Variants in NOB1 observed in about 807,000 individuals in gnomAD.
The protein encoded by NOB1 is RNA-binding protein NOB1.
In NOB1, 44 loss-of-function variants were observed where a neutral mutation model predicts 44.8. The observed-to-expected ratio is 0.98, with a 90% CI of 0.77 to 1.26. The LOEUF is 1.26. Among genes scored for constraint, NOB1 ranks in the 50% most tolerant of loss-of-function variants. The pLI, the probability that NOB1 is intolerant of heterozygous loss-of-function variation, is 0.00. For missense variants in NOB1, 560 were observed against 544.8 expected, an observed-to-expected ratio of 1.03 and a Z score of -0.28; for synonymous variants, 238 against 218.7, an observed-to-expected ratio of 1.09 and a Z score of -0.78.
rs35257586 is a variant in NOB1, at chr16:69,747,222, CAA to C, written c.824+1008_824+1009del. The stretch of plus-strand genomic sequence containing the variant: ...GGCAACAAGAGAGAAACCCTGTCTC[CAA>C]AAAAAAAAAAAAAAAAAAAGATAAA... On this transcript the variant is annotated intron_variant, in intron 7 of 8. Coordinates refer to ENST00000268802, the MANE Select transcript of NOB1 (RefSeq NM_014062.3). Among the ~76,000 whole-genome samples, 21 of 78,598 alleles carry C rather than the reference CAA, an allele frequency of 2.7e-4. 2 individuals are homozygous for C. Among genetic ancestry groups the C allele is most frequent in the Admixed American group, 2.5e-3 (15 of 6,038 alleles). The allele number at this position is 78,598 out of a possible 152,430, so 51.6% of individuals were successfully genotyped here.
chr16:69,748,632 G>T, intron 6 of NOB1: 1 of 528,064 alleles, frequency 1.9e-6, no homozygotes, highest in Admixed American at 3.6e-5. Flanking sequence ...CTCTCTCCCT[G>T]TGTTAAGAAC....
In NOB1 at chr16:69,753,888, C is replaced by T. The variant is rs1433004619; in HGVS notation, c.196+706G>A. On this transcript the variant is annotated intron_variant, in intron 2 of 8. Coordinates refer to ENST00000268802, the MANE Select transcript of NOB1 (RefSeq NM_014062.3). ...GTGGTACGATCTCGGCTCACTGCAA[C>T]CTCCACCTCCAGGTTCAAGCAATTC... Among the ~76,000 whole-genome samples, 3 of 152,196 alleles carry T rather than the reference C, an allele frequency of 2.0e-5. No homozygotes were observed. The East Asian group carries it at 5.8e-4, about 29-fold the overall frequency.
intron 8 of NOB1, among the ~76,000 whole-genome samples, chr16:69,743,378 G>C (rs1172536462): frequency 6.6e-6 from 1 of 152,162 alleles, no homozygotes; most frequent in Non-Finnish European, 1.5e-5. Flanking sequence ...TATATACAAA[G>C]TCTCAGTCTC....
chr16:69,744,291 G>T (rs1172494936), intron 8 of NOB1, among the ~76,000 whole-genome samples: 1 of 152,198 alleles, frequency 6.6e-6, no homozygotes, highest in Non-Finnish European at 1.5e-5. Context: ...CTGCATTCCA[G>T]CCTGGGTGAC....
At chr16:69,750,357 T>C (rs921300399) in intron 3 of NOB1, among the ~76,000 whole-genome samples, 1 of 151,960 alleles carries the variant, frequency 6.6e-6, no homozygotes, top group African/African-American at 2.4e-5. Flanking sequence ...AATAGCTGGG[T>C]GCAGTGGCTC....
At chr16:69,742,674 G>T in intron 8 of NOB1, 73 bp from the exon 9 acceptor site, 1 of 1,487,574 alleles carries the variant, frequency 6.7e-7, no homozygotes, top group Non-Finnish European at 9.3e-7. Context: ...CTGGTAAGGT[G>T]CAGCCGACCT....
intron 3 of NOB1, among the ~76,000 whole-genome samples, chr16:69,751,415 A>C (rs2038481715): frequency 6.6e-6 from 1 of 151,994 alleles, no homozygotes; most frequent in Non-Finnish European, 1.5e-5. Flanking sequence ...AGATCAAAAG[A>C]GACTAATCAG....
rs1283799001 is a variant in NOB1 at position 69,742,476 on chromosome 16, G to T, written c.1095C>A (p.Asp365Glu). The change falls in exon 9 of 9, where the codon GAC (aspartate) becomes GAA (glutamate). Residue 365 changes from aspartate (D) to glutamate (E), a missense_variant. Coordinates refer to ENST00000268802, the MANE Select transcript of NOB1 (RefSeq NM_014062.3). ...CAAAGGGTGACACCCCGGCGATGTA[G>T]TCAGGGGCGAACACGTTGGTTTTCT... is the stretch of plus-strand genomic sequence containing the variant. ...ARQKTNVFAPDYIAGVSPFVE... is the reference protein window; with the variant it reads ...ARQKTNVFAPEYIAGVSPFVE... The T allele has an allele frequency of 6.2e-6, 10 of 1,614,158 alleles. No homozygotes were observed. Among genetic ancestry groups the T allele is most frequent in the Admixed American group, 5.0e-5 (3 of 60,008 alleles).
Position 69,753,011 on chromosome 16 carries a change from C to T in NOB1, c.197-640G>A, listed in dbSNP as rs2038495994. Among the ~76,000 whole-genome samples, 3 of 152,100 alleles carry T rather than the reference C, an allele frequency of 2.0e-5. No individual in the cohort carries two copies. In the South Asian group the frequency reaches 6.2e-4, roughly 32 times the overall value. On this transcript the variant is annotated intron_variant, in intron 2 of 8. Transcript: ENST00000268802. ...CTGAGGTGGGTAGATCACTTGAGGT[C>T]AGGAGTTCCAGACCAGCCTGGCCAA... is the stretch of plus-strand genomic sequence containing the variant.
intron 8 of NOB1, among the ~76,000 whole-genome samples, chr16:69,743,590 C>T (rs1432230417): frequency 6.6e-6 from 1 of 152,116 alleles, no homozygotes; most frequent in African/African-American, 2.4e-5. Flanking sequence ...AATCCAATCC[C>T]GAGGAAATAC....
Position 69,754,884 on chromosome 16 carries a change from C to T in NOB1, c.27G>A (p.Ala9=), listed in dbSNP as rs752885511. ...CATGCCGCAGGAAAGCCCCAGCATCCGCCACAACGTGCTCCACTGGAGCCA... is the reference window on the plus strand; with the variant it reads ...CATGCCGCAGGAAAGCCCCAGCATCTGCCACAACGTGCTCCACTGGAGCCA... The part of the protein sequence containing the change: MAPVEHVV[A]DAGAFLRHAA... Residue 9 remains alanine, a synonymous_variant, in exon 1 of 9, where the codon GCG becomes GCA. Transcript: ENST00000268802. 11 of 1,596,348 alleles carry T rather than the reference C, an allele frequency of 6.9e-6. No homozygotes were observed. The highest frequency in any genetic ancestry group is 5.4e-5 in the African/African-American group (4 of 74,726).
At position 69,748,923 on chromosome 16, in the gene NOB1, T is replaced by A; in HGVS notation, c.721A>T (p.Met241Leu). ...CCCAGGCCCACCCTACCCACCTGCA[T>A]GGCGAAGTCTGTGGTCAGGCAGCCA... ...RVGCLTTDFAMQNVLLQMGLH... is the reference protein window; with the variant it reads ...RVGCLTTDFALQNVLLQMGLH... Residue 241 changes from methionine (M) to leucine (L), a missense_variant, in exon 6 of 9, where the codon ATG becomes TTG. Transcript: ENST00000268802. The A allele has an allele frequency of 6.2e-7, 1 of 1,603,960 alleles. No homozygotes were observed. Among genetic ancestry groups the A allele is most frequent in the Non-Finnish European group, 8.5e-7 (1 of 1,174,302 alleles).
intron 3 of NOB1, among the ~76,000 whole-genome samples, chr16:69,750,479 T>C (rs2038473675): frequency 6.6e-6 from 1 of 151,702 alleles, no homozygotes; most frequent in Admixed American, 6.6e-5. Context: ...ATTTTAAAAT[T>C]AGCCAGGCAT....
intron 7 of NOB1, among the ~76,000 whole-genome samples, chr16:69,747,918 G>C (rs992978803): frequency 1.3e-5 from 2 of 152,280 alleles, no homozygotes; most frequent in South Asian, 2.1e-4. Flanking sequence ...AGCTCTTTGG[G>C]AGGCTGAGGT....
intron 7 of NOB1, among the ~76,000 whole-genome samples, chr16:69,746,794 C>T (rs2038435118): frequency 6.6e-6 from 1 of 152,062 alleles, no homozygotes. Context: ...GTAGTCCCAG[C>T]TACTCAGGAG....
rs548802495 is a variant in NOB1 at position 69,749,116 on chromosome 16, A to G, written c.528T>C (p.Ile176=). 6.2e-7 allele frequency: 1 copy of G among 1,614,190 alleles called. No individual in the cohort carries two copies. The highest frequency in any genetic ancestry group is 8.5e-7 in the Non-Finnish European group (1 of 1,180,040). ...CACTTGGAACGTCCTCACCTCTGTC[A>G]ATCTGAAACATCAACAGACCTTTCA... ...NIDHELQELL[I]DRGEDVPSEE... The change falls in exon 6 of 9, where the codon ATT becomes ATC. Residue 176 remains isoleucine (I), a splice_region_variant and synonymous_variant. Coordinates refer to ENST00000268802, the MANE Select transcript of NOB1 (RefSeq NM_014062.3).
In NOB1 at chr16:69,754,731, G is replaced by A. The variant is rs986108911; in HGVS notation, c.64-5C>T. 5.0e-6 allele frequency: 8 copies of A among 1,614,074 alleles called. No individual in the cohort carries two copies. Among genetic ancestry groups the A allele is most frequent in the Non-Finnish European group, 6.8e-6 (8 of 1,180,034 alleles). On this transcript the variant is annotated splice_region_variant and splice_polypyrimidine_tract_variant and intron_variant, in intron 1 of 8. Coordinates refer to ENST00000268802, the MANE Select transcript of NOB1 (RefSeq NM_014062.3). ...GTAAATGTTCTTCCCGATGTCCTGC[G>A]GACAGAACGCCCCAGCTCAGACCCA...
chr16:69,742,711 A>C, intron 8 of NOB1, 110 bp from the exon 9 acceptor site: 6 of 1,144,836 alleles, frequency 5.2e-6, no homozygotes, highest in Non-Finnish European at 7.6e-6. Context: ...GGCAGATGAC[A>C]GCGGGTGGTA....
At position 69,749,084 on chromosome 16, in the gene NOB1, T is replaced by C. The variant is rs141066738; in HGVS notation, c.560A>G (p.Glu187Gly). ...TTCAAACCCGTTTTCTTCCTCCTCC[T>C]CCTCCTCACTTGGAACGTCCTCACC... ...DRGEDVPSEE[E>G]EEEENGFEDR... The change falls in exon 6 of 9, where the codon GAG (glutamate) becomes GGG (glycine). Residue 187 changes from glutamate (E) to glycine (G), a missense_variant. Glu to Gly is a moderately conservative substitution (Grantham distance 98). Coordinates refer to ENST00000268802, the MANE Select transcript of NOB1 (RefSeq NM_014062.3). The C allele has an allele frequency of 5.0e-5, 80 of 1,614,172 alleles. No homozygotes were observed. The highest frequency in any genetic ancestry group is 6.6e-5 in the Non-Finnish European group (78 of 1,180,032).
Sources: gnomAD v4.1 joint callset for allele counts (sites outside exome capture counted in the v4.1 genomes callset) on GRCh38, gnomAD v4.1.1 for gene constraint, MANE v1.5 for transcripts, NCBI Gene and HGNC (gene_info 2026-07-23, HGNC 2026-07-21) for gene names.